SLC37A3: variants seen among roughly 807,000 people sequenced by gnomAD.
The protein encoded by SLC37A3 is sugar phosphate exchanger 3.
A neutral mutation model predicts 67.1 loss-of-function variants in SLC37A3; 51 were observed. The observed-to-expected ratio is 0.76, with a 90% CI of 0.61 to 0.96. The LOEUF (loss-of-function observed/expected upper bound fraction) is 0.96, where lower values mean the gene tolerates loss of function less well. Among genes scored for constraint, SLC37A3 ranks in the 40% least tolerant of loss-of-function variants. The probability of loss-of-function intolerance (pLI) is 0.00; values close to 1 mark genes in which losing one functional copy is unlikely to be tolerated. For missense variants in SLC37A3, 508 were observed against 603.0 expected, an observed-to-expected ratio of 0.84 and a Z score of 1.65; for synonymous variants, 214 against 231.4, an observed-to-expected ratio of 0.92 and a Z score of 0.68.
At chr7:140,349,152 T>G (rs1796695287) in intron 9 of SLC37A3, among the ~76,000 whole-genome samples, 1 of 152,226 alleles carries the variant, frequency 6.6e-6, no homozygotes, top group Non-Finnish European at 1.5e-5. Flanking sequence ...CTAACCAGCG[T>G]TAACCATAGG....
chr7:140,358,679 C>A lies in SLC37A3; in HGVS notation c.482G>T (p.Cys161Phe), dbSNP rs1425093275. ...CCAGTTGCCCATAACAGCAACCACACAGGGCCAACCAGTGGACTGCAGCAG... is the reference window on the plus strand; with the variant it reads ...CCAGTTGCCCATAACAGCAACCACAAAGGGCCAACCAGTGGACTGCAGCAG... ...NGLLQSTGWP[C>F]VVAVMGNWFG... is the part of the protein sequence containing the mutation. The change falls in exon 6 of 15, where the codon TGT (cysteine) becomes TTT (phenylalanine). Residue 161 changes from cysteine (C) to phenylalanine (F), a missense_variant. Transcript: ENST00000326232. 2 of 1,614,040 alleles carry A rather than the reference C, an allele frequency of 1.2e-6. No individual in the cohort carries two copies. Among genetic ancestry groups the A allele is most frequent in the South Asian group, 2.2e-5 (2 of 91,080 alleles).
chr7:140,350,288 A>C (rs1796739857), intron 9 of SLC37A3, among the ~76,000 whole-genome samples: 1 of 152,194 alleles, frequency 6.6e-6, no homozygotes, highest in Non-Finnish European at 1.5e-5. Context: ...GGTAAGCTGG[A>C]AACATAACCT....
In SLC37A3 at chr7:140,358,628, G is replaced by A; in HGVS notation, c.521+12C>T. 6.2e-7 allele frequency: 1 copy of A among 1,613,474 alleles called. No homozygotes were observed. Among genetic ancestry groups the A allele is most frequent in the Non-Finnish European group, 8.5e-7 (1 of 1,179,522 alleles). ...TTAAACAGAGAAATTAGAGAGGAAG[G>A]AAGTGGCATACCCGGCTTTCCCAAA... On this transcript the variant is annotated intron_variant, in intron 6 of 14. Coordinates refer to ENST00000326232, the MANE Select transcript of SLC37A3 (RefSeq NM_207113.3).
Position 140,355,771 on chromosome 7 carries a change from T to C in SLC37A3, c.522-7A>G. 6.2e-7 allele frequency: 1 copy of C among 1,612,410 alleles called. No homozygotes were observed. The highest frequency in any genetic ancestry group is 8.5e-7 in the Non-Finnish European group (1 of 1,178,704). On this transcript the variant is annotated splice_region_variant and splice_polypyrimidine_tract_variant and intron_variant, in intron 6 of 14. Coordinates refer to ENST00000326232, the MANE Select transcript of SLC37A3 (RefSeq NM_207113.3). ...ACCAAAAACAACTCCTCGTCTAAGA[T>C]GGAAAACAGTGGGAGACAAAGGGCC...
At chr7:140,341,367 A>C (rs778402949) in intron 13 of SLC37A3, among the ~76,000 whole-genome samples, 12 of 152,308 alleles carry the variant, frequency 7.9e-5, no homozygotes, top group Non-Finnish European at 1.5e-4. Flanking sequence ...GGAAACAAGC[A>C]GAGCACCTGT....
intron 9 of SLC37A3, among the ~76,000 whole-genome samples, chr7:140,349,418 C>T (rs1434407457): frequency 6.6e-6 from 1 of 151,998 alleles, no homozygotes; most frequent in South Asian, 2.1e-4. Flanking sequence ...TCATCGGCCT[C>T]GTGGCTCTCC....
chr7:140,353,973 G>A (rs1796921093), intron 7 of SLC37A3, among the ~76,000 whole-genome samples: 1 of 152,138 alleles, frequency 6.6e-6, no homozygotes, highest in African/African-American at 2.4e-5. Flanking sequence ...GCCTCCCAAA[G>A]TGCTGGGATT....
At chr7:140,362,410 G>A (rs1481657587) in intron 5 of SLC37A3, among the ~76,000 whole-genome samples, 7 of 87,984 alleles carry the variant, frequency 8.0e-5, no homozygotes, top group Non-Finnish European at 1.6e-4. Context: ...CCCCGTCCGG[G>A]AGGGAGGTGG....
chr7:140,376,366 T>C (rs1798031943), intron 3 of SLC37A3, among the ~76,000 whole-genome samples: 1 of 152,180 alleles, frequency 6.6e-6, no homozygotes, highest in African/African-American at 2.4e-5. Context: ...TAGTGAACCA[T>C]CCCATGTTTA....
chr7:140,339,252 A>T (rs1585244767), intron 13 of SLC37A3, among the ~76,000 whole-genome samples: 2 of 145,950 alleles, frequency 1.4e-5, no homozygotes, highest in African/African-American at 2.5e-5. Context: ...CAAATATCTG[A>T]GTCCCAGTTT....
chr7:140,363,691 A>T (rs1161437899), intron 5 of SLC37A3, among the ~76,000 whole-genome samples: 27 of 87,384 alleles, frequency 3.1e-4, no homozygotes, highest in South Asian at 8.5e-4. Flanking sequence ...AATGATCAAT[A>T]AAAAAAAAAT....
intron 7 of SLC37A3, among the ~76,000 whole-genome samples, chr7:140,354,559 T>A (rs934654087): frequency 6.6e-6 from 1 of 152,046 alleles, no homozygotes; most frequent in South Asian, 2.1e-4. Flanking sequence ...ATACAGGGAG[T>A]TAAATATTTA....
At chr7:140,377,004 C>T (rs1477089668) in intron 3 of SLC37A3, among the ~76,000 whole-genome samples, 1 of 146,598 alleles carries the variant, frequency 6.8e-6, no homozygotes. Context: ...AGTACAATGG[C>T]ACGATCTCGG....
chr7:140,368,803 AT>A (rs1797707909), intron 4 of SLC37A3, among the ~76,000 whole-genome samples: 1 of 152,024 alleles, frequency 6.6e-6, no homozygotes, highest in Non-Finnish European at 1.5e-5. Context: ...TTCTTGACAC[AT>A]TTCTCTTACA....
intron 5 of SLC37A3, among the ~76,000 whole-genome samples, chr7:140,361,257 C>T (rs4587251): frequency 0.54 from 82,058 of 150,934 alleles, 22,404 homozygotes; most frequent in South Asian, 0.59. Flanking sequence ...CCGAGGTGGG[C>T]GGATCACCTG....
At chr7:140,363,628 T>C in intron 5 of SLC37A3, among the ~76,000 whole-genome samples, 1 of 128,684 alleles carries the variant, frequency 7.8e-6, no homozygotes, top group Non-Finnish European at 1.6e-5. Flanking sequence ...TGACCTTCCC[T>C]CCACTATTGT....
intron 5 of SLC37A3, among the ~76,000 whole-genome samples, chr7:140,363,762 A>G (rs1417773943): frequency 7.1e-4 from 82 of 116,234 alleles, no homozygotes; most frequent in Admixed American, 3.7e-4. Flanking sequence ...AAAAAAAAAA[A>G]AAAGAAAGGA....
At chr7:140,394,888 T>TGAGC (rs1463966318) in intron 1 of SLC37A3, among the ~76,000 whole-genome samples, 4 of 151,410 alleles carry the variant, frequency 2.6e-5, no homozygotes, top group African/African-American at 9.7e-5. Flanking sequence ...ATTACAGGTG[T>TGAGC]GAGCTACTGT....
intron 1 of SLC37A3, among the ~76,000 whole-genome samples, chr7:140,390,522 T>C (rs1190640384): frequency 6.6e-6 from 1 of 152,114 alleles, no homozygotes; most frequent in Non-Finnish European, 1.5e-5. Context: ...CGCTCTCTTC[T>C]TGCCAAGACC....
Sources: gnomAD v4.1 joint callset for allele counts (sites outside exome capture counted in the v4.1 genomes callset) on GRCh38, gnomAD v4.1.1 for gene constraint, MANE v1.5 for transcripts, NCBI Gene and HGNC (gene_info 2026-07-23, HGNC 2026-07-21) for gene names.